The following CDON variants were observed in gnomAD, a reference collection of about 807,000 sequenced individuals.
CDON encodes cell adhesion associated, oncogene regulated.
CDON carries 73 observed loss-of-function variants against 120.9 expected under a neutral mutation model. The observed-to-expected ratio is 0.60, with a 90% CI of 0.50 to 0.73. CDON has a LOEUF of 0.73. Among genes scored for constraint, CDON ranks in the 30% least tolerant of loss-of-function variants. The pLI is 0.00. For synonymous variants in CDON, 566 were observed against 573.5 expected, an observed-to-expected ratio of 0.99 and a Z score of 0.19; for missense variants, 1,470 against 1,587.3, an observed-to-expected ratio of 0.93 and a Z score of 1.26.
intron 11 of CDON, among the ~76,000 whole-genome samples, chr11:126,000,590 G>C (rs143194145): frequency 6.5e-4 from 97 of 150,380 alleles, no homozygotes; most frequent in African/African-American, 2.2e-3. Context: ...GTATCTGCCA[G>C]AGGGTGTATA....
chr11:126,012,432 C>T (rs892425962), intron 7 of CDON, among the ~76,000 whole-genome samples: 4 of 151,876 alleles, frequency 2.6e-5, no homozygotes, highest in African/African-American at 9.7e-5. Context: ...GACATAATCT[C>T]GCTCTGTCGC....
intron 18 of CDON, among the ~76,000 whole-genome samples, chr11:125,965,779 T>A (rs1945780652): frequency 6.6e-6 from 1 of 152,150 alleles, no homozygotes; most frequent in Non-Finnish European, 1.5e-5. Context: ...CAGAAGTAAA[T>A]CCTTTCTAGA....
intron 1 of CDON, among the ~76,000 whole-genome samples, chr11:126,032,300 A>C (rs55736113): frequency 0.081 from 12,281 of 151,826 alleles, 644 homozygotes; most frequent in Non-Finnish European, 0.12. Flanking sequence ...TGGGGGATGG[A>C]GTAGAGGAAG....
chr11:125,974,647 C>T (rs2134410378), intron 18 of CDON, among the ~76,000 whole-genome samples: 1 of 152,080 alleles, frequency 6.6e-6, no homozygotes, highest in South Asian at 2.1e-4. Flanking sequence ...GATATTGTCT[C>T]CTTTGGTGTC....
In CDON at chr11:125,960,980, T is replaced by C. The variant is rs780916211; in HGVS notation, c.3757A>G (p.Ser1253Gly). 3.7e-6 allele frequency: 6 copies of C among 1,614,240 alleles called. No homozygotes were observed. The Admixed American group carries it at 1.0e-4, about 27-fold the overall frequency. Residue 1253 changes from serine (S) to glycine (G), a missense_variant, in exon 20 of 20, where the codon AGC (serine) becomes GGC (glycine). By Grantham distance (56) the Ser-to-Gly change is moderately conservative. Coordinates refer to ENST00000531738, the MANE Select transcript of CDON (RefSeq NM_001378964.1). ...GGCTGCTGAAGGACCTCTGTCGGGC[T>C]GTCTAAAGGAATGCCAGGTGGAGAC... is the stretch of plus-strand genomic sequence containing the variant. ...MWSPPGIPLD[S>G]PTEVLQQPRE...
chr11:126,013,665 T>C (rs943861176), intron 7 of CDON, among the ~76,000 whole-genome samples: 5 of 152,118 alleles, frequency 3.3e-5, no homozygotes, highest in Non-Finnish European at 7.4e-5. Flanking sequence ...TAATATTATT[T>C]GTACCTTCTT....
At chr11:125,984,980 G>T (rs1324352900) in intron 15 of CDON, among the ~76,000 whole-genome samples, 1 of 152,042 alleles carries the variant, frequency 6.6e-6, no homozygotes, top group African/African-American at 2.4e-5. Flanking sequence ...TAGCGATAAC[G>T]AAAGCTAGTA....
chr11:125,962,157 T>G (rs1008846301), intron 18 of CDON, among the ~76,000 whole-genome samples, 159 bp from the exon 19 acceptor site: 4 of 152,244 alleles, frequency 2.6e-5, no homozygotes, highest in African/African-American at 7.2e-5. Context: ...TTTGAAATAC[T>G]GAGAATTTCA....
At chr11:126,012,449 C>G (rs1441931690) in intron 7 of CDON, among the ~76,000 whole-genome samples, 2 of 151,722 alleles carry the variant, frequency 1.3e-5, no homozygotes, top group Non-Finnish European at 2.9e-5. Flanking sequence ...TCGCCCAGGC[C>G]GGAGTGCAGT....
At chr11:126,028,142 G>A (rs1414232277) in intron 1 of CDON, among the ~76,000 whole-genome samples, 3 of 151,628 alleles carry the variant, frequency 2.0e-5, no homozygotes, top group Admixed American at 6.6e-5. Context: ...ATACTCATCC[G>A]AAAAAAGTAC....
intron 8 of CDON, among the ~76,000 whole-genome samples, chr11:126,008,515 T>A (rs1947193028): frequency 6.6e-6 from 1 of 152,204 alleles, no homozygotes; most frequent in Admixed American, 6.5e-5. Context: ...ATCTTAAAGA[T>A]CTTCTAAAGT....
At chr11:125,962,688 GATCT>G (rs1426544049) in intron 18 of CDON, among the ~76,000 whole-genome samples, 1 of 151,856 alleles carries the variant, frequency 6.6e-6, no homozygotes, top group Non-Finnish European at 1.5e-5. Context: ...AATTTCTACT[GATCT>G]ATCTTCTTGT....
At chr11:126,002,783 CAA>C (rs1946987455) in intron 10 of CDON, among the ~76,000 whole-genome samples, 1 of 152,186 alleles carries the variant, frequency 6.6e-6, no homozygotes. Context: ...GAGGTAAAAT[CAA>C]AGTCGTCCCA....
At chr11:125,997,078 G>T in intron 12 of CDON, 129 bp downstream of exon 12, 1 of 759,468 alleles carries the variant, frequency 1.3e-6, no homozygotes, top group Non-Finnish European at 2.3e-6. Context: ...TTGGGAGGCT[G>T]AGGTAAGCCA....
rs573900980 is a variant in CDON at position 126,021,597 on chromosome 11, A to G, written c.77-77T>C. On this transcript the variant is annotated intron_variant, in intron 2 of 19. Transcript: ENST00000531738. ...AGAGAAAGAAGATTACATTAAACAC[A>G]TTTCATCTGTATCTTTATAACTAAA... The G allele has an allele frequency of 1.9e-5, 24 of 1,238,526 alleles. No individual in the cohort carries two copies. The South Asian group carries it at 2.6e-4, about 13-fold the overall frequency. 76.7% of individuals were successfully genotyped at this position (1,238,526 alleles called of 1,614,324 possible).
At chr11:126,017,482 A>G in intron 5 of CDON, 107 bp from the exon 6 acceptor site, 4 of 1,090,390 alleles carry the variant, frequency 3.7e-6, no homozygotes, top group Non-Finnish European at 5.5e-6. Context: ...TTTATACTAC[A>G]AGGTCCTATT....
chr11:126,019,807 T>C, intron 3 of CDON, 42 bp from the exon 4 acceptor site: 2 of 1,558,118 alleles, frequency 1.3e-6, no homozygotes, highest in Non-Finnish European at 1.8e-6. Flanking sequence ...ACATGCAAAT[T>C]TGAATTCTTT....
At chr11:125,976,354 G>C (rs1946148156) in intron 18 of CDON, among the ~76,000 whole-genome samples, 1 of 152,134 alleles carries the variant, frequency 6.6e-6, no homozygotes, top group South Asian at 2.1e-4. Context: ...ATGCAGGCAA[G>C]TAAAGACTTG....
chr11:126,045,542 T>C (rs1328733489), intron 1 of CDON, among the ~76,000 whole-genome samples: 1 of 152,204 alleles, frequency 6.6e-6, no homozygotes, highest in Non-Finnish European at 1.5e-5. Flanking sequence ...TTGGAGCCAG[T>C]ATTTACTTTG....
Sources: gnomAD v4.1 joint callset for allele counts (sites outside exome capture counted in the v4.1 genomes callset) on GRCh38, gnomAD v4.1.1 for gene constraint, MANE v1.5 for transcripts, NCBI Gene and HGNC (gene_info 2026-07-23, HGNC 2026-07-21) for gene names.